ARHGEF18: variants seen among roughly 807,000 people sequenced by gnomAD.
ARHGEF18 encodes Rho/Rac guanine nucleotide exchange factor 18, also known as rho guanine nucleotide exchange factor 18.
ARHGEF18 carries 93 observed loss-of-function variants against 155.7 expected under a neutral mutation model. That is an observed-to-expected ratio of 0.60 (90% confidence interval 0.50 to 0.71). The LOEUF (loss-of-function observed/expected upper bound fraction) is 0.71, where lower values mean the gene tolerates loss of function less well. Among genes scored for constraint, ARHGEF18 ranks in the 30% least tolerant of loss-of-function variants. The pLI is 0.00. For synonymous variants in ARHGEF18, 742 were observed against 753.1 expected, an observed-to-expected ratio of 0.99 and a Z score of 0.24; for missense variants, 1,593 against 1,816.1, an observed-to-expected ratio of 0.88 and a Z score of 2.23.
chr19:7,363,375 A>G (rs556774470), intron 2 of ARHGEF18, among the ~76,000 whole-genome samples: 4 of 152,120 alleles, frequency 2.6e-5, no homozygotes, highest in African/African-American at 9.6e-5. Context: ...CTAGATGGAT[A>G]GATGGATGGA....
At chr19:7,383,031 G>C in intron 9 of ARHGEF18, 31 bp from the exon 10 acceptor site, 5 of 1,232,344 alleles carry the variant, frequency 4.1e-6, no homozygotes, top group Non-Finnish European at 5.1e-6. Context: ...CCTGCAGAGG[G>C]CATCCTGAGA....
At position 7,359,660 on chromosome 19, in the gene ARHGEF18, C is replaced by A. The variant is rs142277501; in HGVS notation, c.-110-3121C>A. On this transcript the variant is annotated intron_variant, in intron 1 of 28. Transcript: ENST00000668164. Reference sequence around the variant, plus strand: ...AGAATGAATGCTCAACCAATGACAGCCAGATGAAGTTCAGTCTGTGATATC... The same window carrying A: ...AGAATGAATGCTCAACCAATGACAGACAGATGAAGTTCAGTCTGTGATATC... Among the ~76,000 whole-genome samples, 126 of 151,664 alleles carry A rather than the reference C, an allele frequency of 8.3e-4. No individual in the cohort carries two copies. The East Asian group carries it at 0.018, about 22-fold the overall frequency.
At chr19:7,423,651 G>A (rs1973487035) in intron 10 of ARHGEF18, among the ~76,000 whole-genome samples, 1 of 151,124 alleles carries the variant, frequency 6.6e-6, no homozygotes, top group Non-Finnish European at 1.5e-5. Flanking sequence ...GTTGCAATGA[G>A]CCGAGATCGC....
intron 14 of ARHGEF18, among the ~76,000 whole-genome samples, chr19:7,446,151 A>T (rs1466378379): frequency 6.6e-6 from 1 of 152,102 alleles, no homozygotes; most frequent in Non-Finnish European, 1.5e-5. Context: ...TGACCCCAAC[A>T]CTTTGGGAGG....
chr19:7,427,428 C>G (rs566691559), intron 10 of ARHGEF18, among the ~76,000 whole-genome samples: 1 of 151,578 alleles, frequency 6.6e-6, no homozygotes. Flanking sequence ...ATTGCCTGAG[C>G]GCAGGAAGGA....
chr19:7,454,975 A>G (rs1403297128), intron 17 of ARHGEF18, among the ~76,000 whole-genome samples: 1 of 152,166 alleles, frequency 6.6e-6, no homozygotes, highest in Non-Finnish European at 1.5e-5. Flanking sequence ...TCCGAGCCCT[A>G]CTTTCAAGAC....
intron 10 of ARHGEF18, chr19:7,439,784 C>T (rs1974508145): frequency 2.1e-6 from 3 of 1,417,306 alleles, no homozygotes; most frequent in South Asian, 1.7e-5. Context: ...TGAAGCACGC[C>T]AGGCTCACCG....
chr19:7,362,764 C>A lies in ARHGEF18; in HGVS notation c.-110-17C>A. On this transcript the variant is annotated splice_polypyrimidine_tract_variant and intron_variant, in intron 1 of 28. Transcript: ENST00000668164. ...TCCCAGCTTATCCCTGACACCTTGT[C>A]CCTCCTTTCTCCACAGGCTCTGAGC... 1 of 1,233,492 alleles carries A rather than the reference C, an allele frequency of 8.1e-7. No individual in the cohort carries two copies. The highest frequency in any genetic ancestry group is 1.0e-6 in the Non-Finnish European group (1 of 987,872). 76.4% of individuals were successfully genotyped at this position (1,233,492 alleles called of 1,614,324 possible). A position where few individuals can be genotyped will look rare whatever the true frequency, so the allele number is the denominator to read the frequency against.
intron 1 of ARHGEF18, among the ~76,000 whole-genome samples, chr19:7,352,133 A>G (rs1190707731): frequency 6.6e-6 from 1 of 152,060 alleles, no homozygotes; most frequent in African/African-American, 2.4e-5. Context: ...TTGTTTGTGA[A>G]AAACTATAGG....
intron 10 of ARHGEF18, among the ~76,000 whole-genome samples, chr19:7,433,439 G>A (rs371659010): frequency 1.6e-4 from 23 of 147,030 alleles, no homozygotes; most frequent in African/African-American, 4.7e-4. Flanking sequence ...GCAGGGAGGC[G>A]GAGGTTGCAG....
chr19:7,419,699 G>A (rs929894792), intron 10 of ARHGEF18, among the ~76,000 whole-genome samples: 4 of 152,032 alleles, frequency 2.6e-5, no homozygotes, highest in East Asian at 1.9e-4. Flanking sequence ...CAGACCTGCC[G>A]TCTTGAGCAC....
intron 10 of ARHGEF18, among the ~76,000 whole-genome samples, chr19:7,398,166 A>G (rs894820344): frequency 6.6e-6 from 1 of 151,908 alleles, no homozygotes; most frequent in Non-Finnish European, 1.5e-5. Flanking sequence ...TCCGCCTCCC[A>G]AGTTTAAGCA....
intron 2 of ARHGEF18, among the ~76,000 whole-genome samples, chr19:7,365,827 C>A (rs769488771): frequency 3.3e-5 from 5 of 152,230 alleles, no homozygotes; most frequent in African/African-American, 4.8e-5. Flanking sequence ...CCCTCCTTCT[C>A]CTTCCCTGGT....
intron 10 of ARHGEF18, among the ~76,000 whole-genome samples, chr19:7,422,006 C>T (rs1028601440): frequency 2.0e-5 from 3 of 152,064 alleles, no homozygotes; most frequent in South Asian, 2.1e-4. Context: ...CCGTGTTTAC[C>T]GGGGCACCAA....
At position 7,385,870 on chromosome 19, in the gene ARHGEF18, T is replaced by TCTCTCTCTCC. The variant is rs1555704468; in HGVS notation, c.967+2668_967+2669insTCTCTCTCCC. On this transcript the variant is annotated intron_variant, in intron 10 of 28. Transcript: ENST00000668164. Reference sequence around the variant, plus strand: ...CTCTCTCTCTCTCTCTCTCTCTCTCTCCCCCCTCCCTCTCTCCCTCCCTCC... The same window carrying TCTCTCTCTCC: ...CTCTCTCTCTCTCTCTCTCTCTCTCTCTCTCTCTCCCCCCCCTCCCTCTCTCCCTCCCTCC... Among the ~76,000 whole-genome samples, 11 of 29,564 alleles carry TCTCTCTCTCC rather than the reference T, an allele frequency of 3.7e-4. 1 individual carries two copies. The highest frequency in any genetic ancestry group is 2.1e-3 in the African/African-American group (11 of 5,292). The allele number at this position is 29,564 out of a possible 152,430, so 19.4% of individuals were successfully genotyped here.
intron 10 of ARHGEF18, among the ~76,000 whole-genome samples, chr19:7,408,568 T>TC (rs1205346280): frequency 6.6e-6 from 1 of 152,252 alleles, no homozygotes; most frequent in Non-Finnish European, 1.5e-5. Context: ...CTCACCTGTC[T>TC]CATGAGCTTA....
At chr19:7,412,741 C>A (rs1019667398) in intron 10 of ARHGEF18, among the ~76,000 whole-genome samples, 487 of 128,148 alleles carry the variant, frequency 3.8e-3, no homozygotes, top group Non-Finnish European at 4.2e-3. Context: ...GACTCTGTCT[C>A]AAAAAAAAAA....
chr19:7,364,924 T>C (rs1174401569), intron 2 of ARHGEF18, among the ~76,000 whole-genome samples: 3 of 152,168 alleles, frequency 2.0e-5, no homozygotes, highest in African/African-American at 7.2e-5. Flanking sequence ...TATCCCCTTG[T>C]CAATCACCCA....
intron 10 of ARHGEF18, among the ~76,000 whole-genome samples, chr19:7,399,135 C>CT: frequency 6.6e-6 from 1 of 152,308 alleles, no homozygotes; most frequent in East Asian, 1.9e-4. Flanking sequence ...GTAAACTTTA[C>CT]TTTCCCCCTG....
Sources: gnomAD v4.1 joint callset for allele counts (sites outside exome capture counted in the v4.1 genomes callset) on GRCh38, gnomAD v4.1.1 for gene constraint, MANE v1.5 for transcripts, NCBI Gene and HGNC (gene_info 2026-07-23, HGNC 2026-07-21) for gene names.